Variants in CTNNA2 observed in about 807,000 individuals in gnomAD.
CTNNA2 encodes catenin alpha 2, also known as catenin alpha-2.
Under a neutral mutation model 101.0 loss-of-function variants are expected in CTNNA2, and 42 were observed. That is an observed-to-expected ratio of 0.42 (90% CI 0.32 to 0.54). The LOEUF is 0.54. Among genes scored for constraint, CTNNA2 ranks in the 20% least tolerant of loss-of-function variants. The pLI is 0.14. For synonymous variants in CTNNA2, 450 were observed against 456.4 expected (o/e 0.99, Z 0.18); for missense variants, 871 against 1,223.1 (o/e 0.71, Z 4.29).
chr2:80,601,417 C>CTTTTTTTTTTTTTTTTTTTTTTTTTTTTT lies in CTNNA2; in HGVS notation c.2190-2654_2190-2653insTTTTTTTTTTTTTTTTTTTTTTTTTTTTT, dbSNP rs375645223. Among the ~76,000 whole-genome samples, 16 of 94,202 alleles carry CTTTTTTTTTTTTTTTTTTTTTTTTTTTTT rather than the reference C, an allele frequency of 1.7e-4. 2 individuals carry two copies. Among genetic ancestry groups the CTTTTTTTTTTTTTTTTTTTTTTTTTTTTT allele is most frequent in the East Asian group, 7.7e-4 (2 of 2,604 alleles). The allele number at this position is 94,202 out of a possible 152,430, so 61.8% of individuals were successfully genotyped here. ...GATTTAATGACTTTTTTCTTTCTTT[C>CTTTTTTTTTTTTTTTTTTTTTTTTTTTTT]TTTCTTTTTTTTTTTTTTTGATGAG... On this transcript the variant is annotated intron_variant, in intron 15 of 18. Coordinates refer to ENST00000402739, the MANE Select transcript of CTNNA2 (RefSeq NM_001282597.3).
intron 9 of CTNNA2, among the ~76,000 whole-genome samples, chr2:80,536,334 C>T (rs536729957): frequency 1.3e-5 from 2 of 152,190 alleles, no homozygotes; most frequent in African/African-American, 4.8e-5. Flanking sequence ...ACTATAAATT[C>T]AAGTAATTCC....
intron 3 of CTNNA2, among the ~76,000 whole-genome samples, chr2:79,852,638 C>T (rs1048288989): frequency 6.6e-6 from 1 of 152,376 alleles, no homozygotes; most frequent in South Asian, 2.1e-4. Context: ...CGTCACCAGG[C>T]TGGAGTACAG....
intron 7 of CTNNA2, among the ~76,000 whole-genome samples, chr2:80,187,887 G>A (rs1706234939): frequency 1.3e-5 from 2 of 151,392 alleles, no homozygotes; most frequent in African/African-American, 2.4e-5. Flanking sequence ...ACAACCATAT[G>A]TATCTTTTTT....
At chr2:80,517,844 A>G (rs1232679247) in intron 9 of CTNNA2, among the ~76,000 whole-genome samples, 1 of 152,200 alleles carries the variant, frequency 6.6e-6, no homozygotes, top group African/African-American at 2.4e-5. Flanking sequence ...CTTGGTCTGC[A>G]TGATTACTTT....
intron 2 of CTNNA2, among the ~76,000 whole-genome samples, chr2:79,666,483 T>C (rs1235455473): frequency 6.6e-6 from 1 of 152,220 alleles, no homozygotes; most frequent in Non-Finnish European, 1.5e-5. Context: ...GTTCTATTCA[T>C]TATTAGATTT....
intron 12 of CTNNA2, among the ~76,000 whole-genome samples, chr2:80,571,531 A>G (rs771452717): frequency 1.3e-5 from 2 of 152,242 alleles, no homozygotes; most frequent in African/African-American, 2.4e-5. Flanking sequence ...TTAAAGTGGT[A>G]TATATCCTTT....
At chr2:79,704,576 A>C (rs1043156796) in intron 2 of CTNNA2, among the ~76,000 whole-genome samples, 1 of 147,834 alleles carries the variant, frequency 6.8e-6, no homozygotes, top group Non-Finnish European at 1.5e-5. Flanking sequence ...GCAGTGGCAC[A>C]ATCTCGGCTC....
intron 12 of CTNNA2, among the ~76,000 whole-genome samples, chr2:80,557,562 A>T (rs1197869914): frequency 1.3e-5 from 2 of 152,090 alleles, no homozygotes; most frequent in African/African-American, 4.8e-5. Context: ...TAGAGACAGG[A>T]CTCAGTTCCT....
At chr2:79,767,744 T>C (rs1331103808) in intron 3 of CTNNA2, among the ~76,000 whole-genome samples, 3 of 151,926 alleles carry the variant, frequency 2.0e-5, no homozygotes, top group African/African-American at 7.3e-5. Flanking sequence ...ACCTAGGGCC[T>C]GGAACGGGCA....
chr2:80,262,567 G>A (rs759851809), intron 7 of CTNNA2, among the ~76,000 whole-genome samples: 4 of 152,106 alleles, frequency 2.6e-5, no homozygotes, highest in Admixed American at 6.5e-5. Context: ...GCTGTGCCCT[G>A]CAGGGTTGCT....
intron 7 of CTNNA2, among the ~76,000 whole-genome samples, chr2:80,126,566 T>G: frequency 6.8e-6 from 1 of 148,098 alleles, no homozygotes; most frequent in Non-Finnish European, 1.5e-5. Flanking sequence ...CCTCCATCCA[T>G]TCTGCTTTGC....
chr2:79,279,319 G>T (rs1243077337), intron 2 of CTNNA2, among the ~76,000 whole-genome samples: 32 of 152,060 alleles, frequency 2.1e-4, no homozygotes, highest in Admixed American at 2.1e-3. Flanking sequence ...ACAATTTGTT[G>T]CCCAGTGGGA....
At chr2:80,543,186 A>G (rs1691730364) in intron 9 of CTNNA2, among the ~76,000 whole-genome samples, 1 of 152,188 alleles carries the variant, frequency 6.6e-6, no homozygotes, top group Non-Finnish European at 1.5e-5. Flanking sequence ...TTGGATTGTA[A>G]AATGAACCAG....
chr2:80,275,178 G>A (rs890065082), intron 7 of CTNNA2, among the ~76,000 whole-genome samples: 2 of 152,126 alleles, frequency 1.3e-5, no homozygotes, highest in Non-Finnish European at 2.9e-5. Flanking sequence ...ACATGAAGAT[G>A]TGTTAGTTGA....
At chr2:80,161,813 C>T (rs1704340270) in intron 7 of CTNNA2, among the ~76,000 whole-genome samples, 1 of 152,068 alleles carries the variant, frequency 6.6e-6, no homozygotes, top group Non-Finnish European at 1.5e-5. Context: ...TTTTAACTTC[C>T]TGAGTGACTT....
chr2:79,669,365 A>T (rs1682661413), intron 2 of CTNNA2, among the ~76,000 whole-genome samples: 1 of 152,214 alleles, frequency 6.6e-6, no homozygotes, highest in Non-Finnish European at 1.5e-5. Context: ...CGGGCTAGTC[A>T]GGTCTCTTAA....
At chr2:80,113,153 A>T (rs995240446) in intron 7 of CTNNA2, among the ~76,000 whole-genome samples, 4 of 152,136 alleles carry the variant, frequency 2.6e-5, no homozygotes, top group African/African-American at 9.7e-5. Flanking sequence ...AAGTCAGGGA[A>T]ATGTAGGAAG....
At chr2:79,784,356 T>G (rs1458847712) in intron 3 of CTNNA2, among the ~76,000 whole-genome samples, 1 of 151,892 alleles carries the variant, frequency 6.6e-6, no homozygotes, top group Non-Finnish European at 1.5e-5. Context: ...ACTTCTCTTG[T>G]AACACTCAGC....
At chr2:80,232,345 G>GTTTTTTTTTTTTTTTTTT (rs61454985) in intron 7 of CTNNA2, among the ~76,000 whole-genome samples, 49 of 64,778 alleles carry the variant, frequency 7.6e-4, no homozygotes, top group Non-Finnish European at 9.5e-4. Context: ...TTGTTTGTTT[G>GTTTTTTTTTTTTTTTTTT]TTTTTTTTTT....
Sources: gnomAD v4.1 joint callset for allele counts (sites outside exome capture counted in the v4.1 genomes callset) on GRCh38, gnomAD v4.1.1 for gene constraint, MANE v1.5 for transcripts, NCBI Gene and HGNC (gene_info 2026-07-23, HGNC 2026-07-21) for gene names.